GRIN2A: variants seen among roughly 807,000 people sequenced by gnomAD.
The protein encoded by GRIN2A is glutamate ionotropic receptor NMDA type subunit 2A, also known as glutamate receptor ionotropic, NMDA 2A.
GRIN2A carries 22 observed loss-of-function variants against 113.4 expected under a neutral mutation model. The observed-to-expected ratio is 0.19, with a 90% CI of 0.14 to 0.28. GRIN2A has a LOEUF of 0.28. Among genes scored for constraint, GRIN2A ranks in the 10% least tolerant of loss-of-function variants. The pLI is 1.00. For missense variants in GRIN2A, 1,502 were observed against 1,887.0 expected (o/e 0.80, Z 3.78); for synonymous variants, 827 against 738.4 (o/e 1.12, Z -1.94).
intron 5 of GRIN2A, 112 bp downstream of exon 5, chr16:9,849,644 C>T (rs1596494508): frequency 2.6e-5 from 22 of 846,492 alleles, no homozygotes; most frequent in South Asian, 1.9e-4. Context: ...ACTATAACGA[C>T]GTGTATTTTC....
chr16:9,951,928 C>T (rs1480123633), intron 2 of GRIN2A, among the ~76,000 whole-genome samples: 4 of 152,224 alleles, frequency 2.6e-5, no homozygotes, highest in African/African-American at 9.6e-5. Context: ...ACAGAAGGCA[C>T]TCCTTCCTCA....
rs1248730767 is a variant in GRIN2A at position 9,912,279 on chromosome 16, AG to A, written c.1008-21180del. Among the ~76,000 whole-genome samples the A allele has an allele frequency of 2.6e-5, 4 of 152,084 alleles. No homozygotes were observed. In the East Asian group the frequency reaches 7.7e-4, roughly 29 times the overall value. ...GTGTGATGTTGATAGCAATGGTGGT[AG>A]TGATTATGGAGATGATGCTATAAAT... On this transcript the variant is annotated intron_variant, in intron 3 of 12. Transcript: ENST00000330684.
intron 2 of GRIN2A, among the ~76,000 whole-genome samples, chr16:10,130,303 C>A (rs1013993921): frequency 2.0e-5 from 3 of 152,190 alleles, no homozygotes; most frequent in Non-Finnish European, 4.4e-5. Flanking sequence ...GTAATCCAGG[C>A]AAATTCAGGG....
chr16:10,159,707 A>G (rs2142320502), intron 2 of GRIN2A, among the ~76,000 whole-genome samples: 1 of 152,192 alleles, frequency 6.6e-6, no homozygotes, highest in East Asian at 1.9e-4. Context: ...ATTATTTTAG[A>G]TAGATAATAT....
At chr16:9,968,700 C>T (rs562723143) in intron 2 of GRIN2A, among the ~76,000 whole-genome samples, 2 of 152,192 alleles carry the variant, frequency 1.3e-5, no homozygotes, top group African/African-American at 2.4e-5. Flanking sequence ...CCCTGACTCC[C>T]GGGTTCAAGA....
intron 2 of GRIN2A, among the ~76,000 whole-genome samples, chr16:10,085,751 G>T (rs982363165): frequency 4.6e-5 from 7 of 152,202 alleles, no homozygotes; most frequent in Non-Finnish European, 7.3e-5. Context: ...ATATAATGTG[G>T]TAAGTCTGAG....
rs9939363 is a variant in GRIN2A at position 9,981,683 on chromosome 16, G to A, written c.415-43132C>T. Among the ~76,000 whole-genome samples, 1,293 of 152,178 alleles carry A rather than the reference G, an allele frequency of 8.5e-3. 20 individuals carry two copies. Among genetic ancestry groups the A allele is most frequent in the African/African-American group, 0.029 (1,205 of 41,508 alleles). On this transcript the variant is annotated intron_variant, in intron 2 of 12. Transcript: ENST00000330684. Reference sequence around the variant, plus strand: ...ACCTTAATCCTTAATATTATCAAGTGTCTGGTCTGTGTTCATATTTCGCTG... The same window carrying A: ...ACCTTAATCCTTAATATTATCAAGTATCTGGTCTGTGTTCATATTTCGCTG...
chr16:10,165,744 AGGG>A (rs2049907457), intron 2 of GRIN2A, among the ~76,000 whole-genome samples: 1 of 40,960 alleles, frequency 2.4e-5, no homozygotes, highest in Non-Finnish European at 4.3e-5. Flanking sequence ...AAAGGAGGGG[AGGG>A]GAGAAAGGAG....
chr16:10,015,261 AAAAAAAAAAAG>A (rs2046583770), intron 2 of GRIN2A, among the ~76,000 whole-genome samples: 5 of 134,056 alleles, frequency 3.7e-5, no homozygotes, highest in African/African-American at 5.9e-5. Flanking sequence ...TCAAAAAAAA[AAAAAAAAAAAG>A]AAAAAAAAAA....
chr16:10,039,528 G>A (rs2047102558), intron 2 of GRIN2A, among the ~76,000 whole-genome samples: 1 of 152,060 alleles, frequency 6.6e-6, no homozygotes. Context: ...CTAGGGGCAG[G>A]ATGGGAGCAA....
chr16:9,943,110 G>A (rs1190128229), intron 2 of GRIN2A: 1 of 152,240 alleles, frequency 6.6e-6, no homozygotes, highest in Non-Finnish European at 1.5e-5. Context: ...TGATGGTAGA[G>A]GCCACCTCTC....
rs185343655 is a variant in GRIN2A at position 10,068,500 on chromosome 16, C to A, written c.414+111498G>T. On this transcript the variant is annotated intron_variant, in intron 2 of 12. Transcript: ENST00000330684. ...GGAAGTGCTATACACTTTTAAATGA[C>A]CAGATCTCAAAGTAACTCGGAGCAA... is the stretch of plus-strand genomic sequence containing the variant. Among the ~76,000 whole-genome samples, 213 of 152,252 alleles carry A rather than the reference C, an allele frequency of 1.4e-3. No homozygotes were observed. In the Middle Eastern group the frequency reaches 0.017, roughly 12 times the overall value.
chr16:10,091,921 T>C (rs892438602), intron 2 of GRIN2A, among the ~76,000 whole-genome samples: 1 of 152,200 alleles, frequency 6.6e-6, no homozygotes, highest in African/African-American at 2.4e-5. Context: ...GTGAAAATGT[T>C]CTAAAATTTA....
intron 2 of GRIN2A, among the ~76,000 whole-genome samples, chr16:10,019,879 T>C (rs1284776286): frequency 2.0e-5 from 3 of 152,202 alleles, no homozygotes; most frequent in African/African-American, 7.2e-5. Context: ...GTTAGTAATA[T>C]CATATTATAC....
At chr16:10,105,201 G>A (rs1195710145) in intron 2 of GRIN2A, among the ~76,000 whole-genome samples, 1 of 152,042 alleles carries the variant, frequency 6.6e-6, no homozygotes, top group Non-Finnish European at 1.5e-5. Flanking sequence ...CTGACAAAAA[G>A]CCTAAGGATC....
intron 2 of GRIN2A, among the ~76,000 whole-genome samples, chr16:10,068,737 G>T (rs191179306): frequency 6.6e-6 from 1 of 152,302 alleles, no homozygotes; most frequent in African/African-American, 2.4e-5. Context: ...ACCAAACTAA[G>T]GTTAGTGCCA....
chr16:9,994,289 A>C (rs910780045), intron 2 of GRIN2A, among the ~76,000 whole-genome samples: 1 of 152,140 alleles, frequency 6.6e-6, no homozygotes, highest in Non-Finnish European at 1.5e-5. Context: ...CAGCTATTTC[A>C]AGGGGTGACC....
intron 8 of GRIN2A, among the ~76,000 whole-genome samples, chr16:9,830,120 G>C (rs1456351709): frequency 1.3e-5 from 2 of 152,184 alleles, no homozygotes; most frequent in Non-Finnish European, 2.9e-5. Context: ...ATTGTCCCTA[G>C]CAATTGCTCC....
chr16:9,874,013 C>T (rs1318534144), intron 4 of GRIN2A, among the ~76,000 whole-genome samples: 1 of 152,164 alleles, frequency 6.6e-6, no homozygotes, highest in Non-Finnish European at 1.5e-5. Context: ...TCTACAACTC[C>T]CTTTAAGGGA....
Sources: gnomAD v4.1 joint callset for allele counts (sites outside exome capture counted in the v4.1 genomes callset) on GRCh38, gnomAD v4.1.1 for gene constraint, MANE v1.5 for transcripts, NCBI Gene and HGNC (gene_info 2026-07-23, HGNC 2026-07-21) for gene names.